The following TRDMT1 variants were observed in gnomAD, a reference collection of about 807,000 sequenced individuals.
TRDMT1 encodes tRNA aspartic acid methyltransferase 1.
Under a neutral mutation model 51.2 loss-of-function variants are expected in TRDMT1, and 49 were observed. That is an observed-to-expected ratio of 0.96 (90% CI 0.76 to 1.21). The LOEUF (loss-of-function observed/expected upper bound fraction) is 1.21, where lower values mean the gene tolerates loss of function less well. Ranked by LOEUF, TRDMT1 falls within the 50% of genes most tolerant of loss-of-function variation. The pLI is 0.00. For synonymous variants in TRDMT1, 187 were observed against 164.6 expected, an observed-to-expected ratio of 1.14 and a Z score of -1.04; for missense variants, 534 against 462.3, an observed-to-expected ratio of 1.16 and a Z score of -1.42.
intron 1 of TRDMT1, among the ~76,000 whole-genome samples, chr10:17,178,906 G>T (rs1202508321): frequency 1.3e-5 from 2 of 152,028 alleles, no homozygotes; most frequent in East Asian, 3.9e-4. Context: ...CCAAAATACG[G>T]ATAGGAACTG....
At chr10:17,159,009 G>A (rs550485942) in intron 7 of TRDMT1, 137 bp downstream of exon 7, 94 of 460,248 alleles carry the variant, frequency 2.0e-4, no homozygotes, top group African/African-American at 1.7e-3. Context: ...GATGGACCTA[G>A]GGCATGGTCT....
At chr10:17,158,219 T>C (rs1236226862) in intron 7 of TRDMT1, among the ~76,000 whole-genome samples, 1 of 152,006 alleles carries the variant, frequency 6.6e-6, no homozygotes, top group Non-Finnish European at 1.5e-5. Flanking sequence ...AAACTAGCAA[T>C]TAAAAAAAGA....
intron 2 of TRDMT1, chr10:17,169,331 T>G (rs1205557615): frequency 8.4e-7 from 1 of 1,190,328 alleles, no homozygotes; most frequent in African/African-American, 1.6e-5. Flanking sequence ...GTTCTTTATT[T>G]AGCAAATGTG....
intron 3 of TRDMT1, among the ~76,000 whole-genome samples, chr10:17,168,345 T>G (rs925282519): frequency 3.9e-5 from 6 of 152,090 alleles, no homozygotes; most frequent in Non-Finnish European, 7.4e-5. Flanking sequence ...CATACATAAG[T>G]AGATAGAAGG....
At chr10:17,184,831 A>T (rs772394696) in intron 1 of TRDMT1, among the ~76,000 whole-genome samples, 4 of 151,942 alleles carry the variant, frequency 2.6e-5, no homozygotes, top group Non-Finnish European at 5.9e-5. Flanking sequence ...TTCTTATTTT[A>T]TTTTTTATCA....
chr10:17,157,756 G>A lies in TRDMT1; in HGVS notation c.572C>T (p.Ser191Phe), dbSNP rs905873311. The change falls in exon 8 of 11, where the codon TCT becomes TTT. Residue 191 changes from serine (S) to phenylalanine (F), a missense_variant. Ser to Phe is a radical substitution (Grantham distance 155). Transcript: ENST00000377799. Reference sequence around the variant, plus strand: ...CATTGCATATTTTTGTGGATGTACAGATTCAATTTTGGGGAACTCCATCAG... The same window carrying A: ...CATTGCATATTTTTGTGGATGTACAAATTCAATTTTGGGGAACTCCATCAG... Reference protein sequence around the residue: ...QVLMEFPKIESVHPQKYAMDV... With the variant: ...QVLMEFPKIEFVHPQKYAMDV... 6.3e-7 allele frequency: 1 copy of A among 1,599,106 alleles called. No homozygotes were observed.
intron 1 of TRDMT1, among the ~76,000 whole-genome samples, chr10:17,189,745 C>T (rs985063659): frequency 6.6e-6 from 1 of 151,986 alleles, no homozygotes; most frequent in African/African-American, 2.4e-5. Context: ...CATATGATTT[C>T]AATTTAACTA....
chr10:17,173,725 T>G (rs574111736), intron 2 of TRDMT1, among the ~76,000 whole-genome samples: 3 of 151,946 alleles, frequency 2.0e-5, no homozygotes, highest in Non-Finnish European at 2.9e-5. Context: ...CATGAGAAAT[T>G]TGTTTGTAAA....
chr10:17,198,217 GTGCCGCTGC>G (rs1283876955), intron 1 of TRDMT1, among the ~76,000 whole-genome samples: 1 of 152,142 alleles, frequency 6.6e-6, no homozygotes, highest in Admixed American at 6.5e-5. Flanking sequence ...ATGGAAAATT[GTGCCGCTGC>G]TGCGGAAAAC....
intron 3 of TRDMT1, 35 bp from the exon 4 acceptor site, chr10:17,162,272 A>C (rs762274050): frequency 1.1e-5 from 16 of 1,522,878 alleles, no homozygotes; most frequent in South Asian, 8.5e-5. Flanking sequence ...ACAAAAAAAA[A>C]CACAGAAAGT....
Position 17,196,966 on chromosome 10 carries a change from T to C in TRDMT1, c.64+4605A>G, listed in dbSNP as rs1209566968. Among the ~76,000 whole-genome samples, 4 of 152,178 alleles carry C rather than the reference T, an allele frequency of 2.6e-5. No homozygotes were observed. In the East Asian group the frequency reaches 7.7e-4, roughly 29 times the overall value. ...CAAGGGAAAACTGCGACAGCACTTC[T>C]GGCTTCCAGAACCCAGCACTGTTGG... On this transcript the variant is annotated intron_variant, in intron 1 of 10. Transcript: ENST00000377799.
In TRDMT1 at chr10:17,159,211, T is replaced by G; in HGVS notation, c.478A>C (p.Arg160=). 6.2e-7 allele frequency: 1 copy of G among 1,602,254 alleles called. No individual in the cohort carries two copies. The highest frequency in any genetic ancestry group is 1.3e-5 in the African/African-American group (1 of 74,668). The change falls in exon 7 of 11, where the codon AGG becomes CGG. Residue 160 remains arginine (R), a synonymous_variant. Coordinates refer to ENST00000377799, the MANE Select transcript of TRDMT1 (RefSeq NM_004412.7). ...TTTGCAATAAGAAAATATCGTAGCC[T>G]TGAATTTGGAATGCCAAGCTGTAAG... is the stretch of plus-strand genomic sequence containing the variant. ...SPTSLGIPNS[R]LRYFLIAKLQ...
Position 17,144,345 on chromosome 10 carries a change from C to A in TRDMT1, c.*4695G>T. On this transcript the variant is annotated 3_prime_UTR_variant, in exon 11 of 11. Coordinates refer to ENST00000377799, the MANE Select transcript of TRDMT1 (RefSeq NM_004412.7). ...CAAATATTTGAAGTAAACACTGAAG[C>A]CATGCTAGGTACAAGCAAAGAAATG... 4.1e-6 allele frequency: 4 copies of A among 985,344 alleles called. No homozygotes were observed. The highest frequency in any genetic ancestry group is 4.8e-6 in the Non-Finnish European group (4 of 829,918). 61.0% of individuals were successfully genotyped at this position (985,344 alleles called of 1,614,324 possible). A position where few individuals can be genotyped will look rare whatever the true frequency, so the allele number is the denominator to read the frequency against.
intron 1 of TRDMT1, among the ~76,000 whole-genome samples, chr10:17,179,823 G>A (rs1462694291): frequency 2.0e-5 from 3 of 151,616 alleles, no homozygotes; most frequent in Non-Finnish European, 4.4e-5. Flanking sequence ...GCATTGATGG[G>A]AAAAGCTTTC....
intron 10 of TRDMT1, chr10:17,153,246 G>A: frequency 2.0e-6 from 1 of 493,328 alleles, no homozygotes; most frequent in African/African-American, 1.9e-5. Flanking sequence ...GAGGCAAGGA[G>A]TTGCCAATGT....
At chr10:17,178,437 A>G (rs1427903582) in intron 1 of TRDMT1, among the ~76,000 whole-genome samples, 2 of 152,152 alleles carry the variant, frequency 1.3e-5, no homozygotes, top group African/African-American at 4.8e-5. Context: ...GCACTTTGGG[A>G]AGCCAAGGAG....
intron 3 of TRDMT1, among the ~76,000 whole-genome samples, chr10:17,164,663 C>A (rs1232986225): frequency 6.6e-6 from 1 of 152,210 alleles, no homozygotes; most frequent in African/African-American, 2.4e-5. Flanking sequence ...CAAGCAACTT[C>A]AGCAAAGTCT....
At chr10:17,190,187 G>T (rs1478619231) in intron 1 of TRDMT1, among the ~76,000 whole-genome samples, 1 of 152,106 alleles carries the variant, frequency 6.6e-6, no homozygotes, top group Non-Finnish European at 1.5e-5. Flanking sequence ...GACAAGAGGA[G>T]AGCTGGTTGG....
Position 17,146,585 on chromosome 10 carries a change from T to C in TRDMT1, c.*2455A>G. 1 of 985,326 alleles carries C rather than the reference T, an allele frequency of 1.0e-6. No homozygotes were observed. The highest frequency in any genetic ancestry group is 1.2e-6 in the Non-Finnish European group (1 of 829,830). 61.0% of individuals were successfully genotyped at this position (985,326 alleles called of 1,614,324 possible). On this transcript the variant is annotated 3_prime_UTR_variant, in exon 11 of 11. Coordinates refer to ENST00000377799, the MANE Select transcript of TRDMT1 (RefSeq NM_004412.7). ...CAGGGTAATAAATACCTTACAATTA[T>C]CTGGCAAGCCGTTTAAAAGAGCAGG...
Sources: gnomAD v4.1 joint callset for allele counts (sites outside exome capture counted in the v4.1 genomes callset) on GRCh38, gnomAD v4.1.1 for gene constraint, MANE v1.5 for transcripts, NCBI Gene and HGNC (gene_info 2026-07-23, HGNC 2026-07-21) for gene names.